NEGR1: variants seen among roughly 807,000 people sequenced by gnomAD.
NEGR1 encodes neuronal growth regulator 1, also known as IgLON family member 4.
In NEGR1, 10 loss-of-function variants were observed where a neutral mutation model predicts 40.9. That is an observed-to-expected ratio of 0.24 (90% CI 0.15 to 0.42). NEGR1 has a LOEUF of 0.42. NEGR1 is among the 10% of genes least tolerant of loss of function. The probability of loss-of-function intolerance (pLI) is 1.00; values close to 1 mark genes in which losing one functional copy is unlikely to be tolerated. For missense variants in NEGR1, 352 were observed against 438.9 expected (o/e 0.80, Z 1.77); for synonymous variants, 185 against 166.8 (o/e 1.11, Z -0.84).
intron 1 of NEGR1, among the ~76,000 whole-genome samples, chr1:72,206,509 C>T (rs1030969681): frequency 6.6e-6 from 1 of 152,056 alleles, no homozygotes; most frequent in African/African-American, 2.4e-5. Context: ...CAATCTTGAT[C>T]TTATTTAATG....
intron 6 of NEGR1, among the ~76,000 whole-genome samples, chr1:71,454,375 A>C (rs1646655037): frequency 6.6e-6 from 1 of 152,026 alleles, no homozygotes; most frequent in Non-Finnish European, 1.5e-5. Flanking sequence ...TACTTGATGG[A>C]AAGATTCTTG....
intron 1 of NEGR1, among the ~76,000 whole-genome samples, chr1:72,005,711 A>G (rs1570600401): frequency 6.6e-6 from 1 of 152,244 alleles, no homozygotes; most frequent in East Asian, 1.9e-4. Context: ...AAATAGTAAG[A>G]TCACCTGTAA....
chr1:71,994,607 C>G (rs921960212), intron 1 of NEGR1, among the ~76,000 whole-genome samples: 1 of 151,536 alleles, frequency 6.6e-6, no homozygotes, highest in Non-Finnish European at 1.5e-5. Context: ...TATTAAAAAC[C>G]CACCATGAAG....
intron 6 of NEGR1, among the ~76,000 whole-genome samples, chr1:71,448,466 G>A (rs949451538): frequency 6.6e-6 from 1 of 152,154 alleles, no homozygotes; most frequent in African/African-American, 2.4e-5. Context: ...GTGCATGGTG[G>A]CATACGCCTG....
chr1:71,755,667 C>T (rs1016289858), intron 3 of NEGR1, among the ~76,000 whole-genome samples: 11 of 152,208 alleles, frequency 7.2e-5, no homozygotes, highest in African/African-American at 2.7e-4. Context: ...CAATTAGCAA[C>T]TTCCTGTCCT....
chr1:71,432,521 C>A (rs1646476804), intron 6 of NEGR1, among the ~76,000 whole-genome samples: 1 of 152,048 alleles, frequency 6.6e-6, no homozygotes, highest in Admixed American at 6.6e-5. Context: ...GGACTTTTCG[C>A]TTATCTATGT....
chr1:72,078,754 C>T (rs1289896645), intron 1 of NEGR1, among the ~76,000 whole-genome samples: 1 of 150,916 alleles, frequency 6.6e-6, no homozygotes, highest in South Asian at 2.1e-4. Flanking sequence ...ATTCTCCTGC[C>T]TCAGCCTCCC....
intron 1 of NEGR1, among the ~76,000 whole-genome samples, chr1:72,086,000 C>G (rs1368410406): frequency 6.6e-6 from 1 of 150,668 alleles, no homozygotes; most frequent in African/African-American, 2.4e-5. Context: ...AGAGTGATTC[C>G]CAGAAACAGG....
chr1:71,492,426 T>C (rs559747175), intron 6 of NEGR1, among the ~76,000 whole-genome samples: 1 of 152,086 alleles, frequency 6.6e-6, no homozygotes, highest in Non-Finnish European at 1.5e-5. Context: ...CCATTCTCAT[T>C]ATCAAGATCT....
chr1:72,172,201 C>T (rs1343004455), intron 1 of NEGR1, among the ~76,000 whole-genome samples: 8 of 151,848 alleles, frequency 5.3e-5, no homozygotes, highest in South Asian at 2.1e-4. Flanking sequence ...TAAAAGAGCC[C>T]GAAATAGAAT....
At chr1:72,234,826 A>G (rs993220706) in intron 1 of NEGR1, among the ~76,000 whole-genome samples, 2 of 152,160 alleles carry the variant, frequency 1.3e-5, no homozygotes, top group East Asian at 3.9e-4. Flanking sequence ...AAACTTATAC[A>G]CTATTAGTGG....
At chr1:72,059,734 A>G (rs570623100) in intron 1 of NEGR1, among the ~76,000 whole-genome samples, 78 of 151,832 alleles carry the variant, frequency 5.1e-4, no homozygotes, top group African/African-American at 1.8e-3. Flanking sequence ...AGTCTCCTGC[A>G]TATTAATATT....
At chr1:72,248,615 T>C (rs942647780) in intron 1 of NEGR1, among the ~76,000 whole-genome samples, 1 of 148,052 alleles carries the variant, frequency 6.8e-6, no homozygotes, top group Non-Finnish European at 1.5e-5. Flanking sequence ...ATTATTATTA[T>C]TTTAGACAGA....
At chr1:72,085,968 C>CAAA (rs36028456) in intron 1 of NEGR1, among the ~76,000 whole-genome samples, 13 of 63,028 alleles carry the variant, frequency 2.1e-4, no homozygotes, top group African/African-American at 3.9e-4. Flanking sequence ...GACTCTGTCT[C>CAAA]AAAAAAAAAA....
intron 1 of NEGR1, among the ~76,000 whole-genome samples, chr1:72,000,019 A>G (rs1646543900): frequency 6.6e-6 from 1 of 151,940 alleles, no homozygotes; most frequent in Admixed American, 6.6e-5. Flanking sequence ...CTAAATGTGC[A>G]TTATGTTGTT....
chr1:71,479,326 T>C (rs144347042), intron 6 of NEGR1, among the ~76,000 whole-genome samples: 2 of 152,030 alleles, frequency 1.3e-5, no homozygotes, highest in East Asian at 3.9e-4. Flanking sequence ...CTGCTGCATC[T>C]CTCTTACTCA....
chr1:72,092,807 G>T (rs1648548881), intron 1 of NEGR1, among the ~76,000 whole-genome samples: 1 of 151,834 alleles, frequency 6.6e-6, no homozygotes, highest in Non-Finnish European at 1.5e-5. Flanking sequence ...TGCACCACCA[G>T]TCCCAGCTAA....
chr1:72,053,917 G>C (rs1255668683), intron 1 of NEGR1, among the ~76,000 whole-genome samples: 1 of 150,022 alleles, frequency 6.7e-6, no homozygotes, highest in Non-Finnish European at 1.5e-5. Context: ...ACCTCAACTA[G>C]ATGTTTGTTG....
In NEGR1 at chr1:71,444,014, G is replaced by T. The variant is rs900558496; in HGVS notation, c.941-36444C>A. ...TATATGATTCTTTAGCATCACATGT[G>T]TGCATCATTTATGCATTTGATTCTT... On this transcript the variant is annotated intron_variant, in intron 6 of 6. Coordinates refer to ENST00000357731, the MANE Select transcript of NEGR1 (RefSeq NM_173808.3). Among the ~76,000 whole-genome samples, 6 of 152,182 alleles carry T rather than the reference G, an allele frequency of 3.9e-5. No homozygotes were observed. The East Asian group carries it at 1.2e-3, about 29-fold the overall frequency.
Sources: allele counts gnomAD v4.1 joint callset (sites outside exome capture counted in the v4.1 genomes callset), GRCh38; gene constraint gnomAD v4.1.1; transcripts MANE v1.5; gene names NCBI Gene and HGNC (gene_info 2026-07-23, HGNC 2026-07-21).